Variants in NSUN6 observed in about 807,000 individuals in gnomAD.
NSUN6 encodes the protein tRNA (cytosine(72)-C(5))-methyltransferase NSUN6.
In NSUN6, 64 loss-of-function variants were observed where a neutral mutation model predicts 58.0. That is an observed-to-expected ratio of 1.10 (90% CI 0.90 to 1.36). The LOEUF (loss-of-function observed/expected upper bound fraction) is 1.36, where lower values mean the gene tolerates loss of function less well. NSUN6 is among the 40% of genes most tolerant of loss of function. NSUN6 has a pLI of 0.00. For synonymous variants in NSUN6, 231 were observed against 193.9 expected (o/e 1.19, Z -1.59); for missense variants, 701 against 550.1 (o/e 1.27, Z -2.74).
At chr10:18,624,945 G>C (rs900283788) in intron 3 of NSUN6, among the ~76,000 whole-genome samples, 1 of 152,144 alleles carries the variant, frequency 6.6e-6, no homozygotes, top group African/African-American at 2.4e-5. Context: ...CGGGAGTCTG[G>C]GAATTTCGGT....
chr10:18,632,984 T>C (rs1393489899), intron 3 of NSUN6, among the ~76,000 whole-genome samples: 1 of 151,948 alleles, frequency 6.6e-6, no homozygotes, highest in Non-Finnish European at 1.5e-5. Context: ...TTATTCACAA[T>C]AGCAAAGACT....
chr10:18,590,338 G>A (rs1158795823), intron 7 of NSUN6, among the ~76,000 whole-genome samples: 1 of 150,758 alleles, frequency 6.6e-6, no homozygotes, highest in East Asian at 2.0e-4. Context: ...ACTGTTAATA[G>A]TAGATCAATG....
intron 6 of NSUN6, among the ~76,000 whole-genome samples, chr10:18,599,070 C>T (rs1314377532): frequency 1.3e-5 from 2 of 152,068 alleles, no homozygotes; most frequent in Admixed American, 6.6e-5. Flanking sequence ...TAGAGTCTTG[C>T]TCTGTCACAC....
At chr10:18,550,257 TA>T (rs1043426059) in intron 9 of NSUN6, among the ~76,000 whole-genome samples, 1 of 152,226 alleles carries the variant, frequency 6.6e-6, no homozygotes, top group African/African-American at 2.4e-5. Context: ...CGGCTGTAAC[TA>T]AAGTTTCCTT....
chr10:18,578,585 A>G (rs375352344), intron 8 of NSUN6, among the ~76,000 whole-genome samples: 3 of 152,242 alleles, frequency 2.0e-5, no homozygotes, highest in South Asian at 2.1e-4. Flanking sequence ...CAGCCCCCCA[A>G]CATCAATTCA....
In NSUN6 at chr10:18,648,649, A is replaced by AG. The variant is rs777646727; in HGVS notation, c.76-5_76-4insC. ...GTTTACCTAAAGCAGTCACAATCTA[A>AG]AAAGAAGTTCATGTTTAAATTTCCT... On this transcript the variant is annotated splice_region_variant and splice_polypyrimidine_tract_variant and intron_variant, in intron 1 of 10. Transcript: ENST00000377304. 7.2e-6 allele frequency: 11 copies of AG among 1,528,202 alleles called. No individual in the cohort carries two copies. The highest frequency in any genetic ancestry group is 3.8e-5 in the Admixed American group (2 of 53,260). 94.7% of individuals were successfully genotyped at this position (1,528,202 alleles called of 1,614,324 possible). A position where few individuals can be genotyped will look rare whatever the true frequency, so the allele number is the denominator to read the frequency against.
intron 3 of NSUN6, among the ~76,000 whole-genome samples, chr10:18,618,436 C>T (rs2058487436): frequency 6.6e-6 from 1 of 152,084 alleles, no homozygotes; most frequent in South Asian, 2.1e-4. Context: ...AATCCCAGTA[C>T]TTTTGGAGGC....
intron 3 of NSUN6, among the ~76,000 whole-genome samples, chr10:18,625,710 GTT>G (rs372676582): frequency 1.6e-5 from 1 of 62,150 alleles, no homozygotes; most frequent in East Asian, 5.8e-4. Context: ...GAGACTATGT[GTT>G]TTTTTTTTAA....
chr10:18,589,728 A>T (rs1012370960), intron 7 of NSUN6, among the ~76,000 whole-genome samples: 9 of 152,222 alleles, frequency 5.9e-5, no homozygotes, highest in Non-Finnish European at 5.9e-5. Context: ...TGTCACCACC[A>T]GTCCACCCTT....
chr10:18,651,542 C>A lies in NSUN6; in HGVS notation c.-339G>T, dbSNP rs1031323481. ...AATCCGTGGTGAAACGGACGCAGAT[C>A]AGTAAGCCAGGCTGACAGCAGCTCG... On this transcript the variant is annotated 5_prime_UTR_variant, in exon 1 of 11. Coordinates refer to ENST00000377304, the MANE Select transcript of NSUN6 (RefSeq NM_182543.5). 8 of 1,013,716 alleles carry A rather than the reference C, an allele frequency of 7.9e-6. No individual in the cohort carries two copies. The highest frequency in any genetic ancestry group is 1.2e-6 in the Non-Finnish European group (1 of 848,806). The allele number at this position is 1,013,716 out of a possible 1,614,324, so 62.8% of individuals were successfully genotyped here.
chr10:18,619,339 A>G (rs1294475406), intron 3 of NSUN6, among the ~76,000 whole-genome samples: 2 of 152,224 alleles, frequency 1.3e-5, no homozygotes, highest in African/African-American at 2.4e-5. Context: ...GCATTCTCAG[A>G]AACACATTTT....
chr10:18,589,560 T>A (rs1177341337), intron 7 of NSUN6, among the ~76,000 whole-genome samples: 1 of 152,228 alleles, frequency 6.6e-6, no homozygotes, highest in Non-Finnish European at 1.5e-5. Context: ...AGCAGATGTC[T>A]CTGCAGAAAC....
At chr10:18,546,886 G>C (rs1319840383) in intron 10 of NSUN6, among the ~76,000 whole-genome samples, 3 of 147,988 alleles carry the variant, frequency 2.0e-5, no homozygotes, top group African/African-American at 7.5e-5. Context: ...AACAAAAAAT[G>C]AAAGAAAAGA....
chr10:18,612,823 C>T (rs1171587443), intron 5 of NSUN6, among the ~76,000 whole-genome samples: 1 of 152,130 alleles, frequency 6.6e-6, no homozygotes, highest in Non-Finnish European at 1.5e-5. Context: ...ATGCAAAGTA[C>T]AAGATTGCGT....
At chr10:18,601,141 TA>T (rs991292678) in intron 6 of NSUN6, among the ~76,000 whole-genome samples, 6 of 151,420 alleles carry the variant, frequency 4.0e-5, no homozygotes, top group Admixed American at 6.6e-5. Context: ...TCTTAAGTTA[TA>T]AACCAGTGCA....
intron 6 of NSUN6, among the ~76,000 whole-genome samples, chr10:18,602,795 A>G (rs1054790742): frequency 6.6e-6 from 1 of 152,186 alleles, no homozygotes; most frequent in Non-Finnish European, 1.5e-5. Flanking sequence ...GTTGAAGGGT[A>G]TATCGGTGAG....
intron 1 of NSUN6, 136 bp downstream of exon 1, chr10:18,650,993 T>C: frequency 2.1e-6 from 2 of 950,832 alleles, no homozygotes; most frequent in Admixed American, 3.2e-5. Flanking sequence ...AACATATTGG[T>C]ATTTTTACAC....
At chr10:18,564,744 C>T (rs570999857) in intron 8 of NSUN6, among the ~76,000 whole-genome samples, 9 of 141,506 alleles carry the variant, frequency 6.4e-5, no homozygotes, top group African/African-American at 2.0e-4. Context: ...TTCCAGTCTC[C>T]ATTCCATTCC....
chr10:18,604,141 C>T (rs534189019), intron 6 of NSUN6, among the ~76,000 whole-genome samples: 8 of 152,136 alleles, frequency 5.3e-5, no homozygotes, highest in East Asian at 1.9e-4. Context: ...GAGATCGTGC[C>T]GCTGCACTCC....
Sources: gnomAD v4.1 joint callset for allele counts (sites outside exome capture counted in the v4.1 genomes callset) on GRCh38, gnomAD v4.1.1 for gene constraint, MANE v1.5 for transcripts, NCBI Gene and HGNC (gene_info 2026-07-23, HGNC 2026-07-21) for gene names.